SDK1: variants seen among roughly 807,000 people sequenced by gnomAD.
SDK1 encodes protein sidekick-1.
Under a neutral mutation model 245.5 loss-of-function variants are expected in SDK1, and 157 were observed. That is an observed-to-expected ratio of 0.64 (90% CI 0.56 to 0.73). SDK1 has a LOEUF of 0.73. SDK1 is among the 30% of genes least tolerant of loss of function. The probability of loss-of-function intolerance (pLI) is 0.00; values close to 1 mark genes in which losing one functional copy is unlikely to be tolerated. For missense variants in SDK1, 3,583 were observed against 3,002.3 expected (o/e 1.19, Z -4.52); for synonymous variants, 1,647 against 1,278.5 (o/e 1.29, Z -6.15).
intron 2 of SDK1, among the ~76,000 whole-genome samples, chr7:3,629,158 G>T (rs544503895): frequency 1.3e-5 from 2 of 151,450 alleles, no homozygotes; most frequent in African/African-American, 4.9e-5. Context: ...AAAATTAGCC[G>T]GGCATGGTGG....
chr7:4,155,744 T>G (rs181528914), intron 30 of SDK1, among the ~76,000 whole-genome samples: 136 of 152,316 alleles, frequency 8.9e-4, no homozygotes, highest in African/African-American at 3.0e-3. Flanking sequence ...AGATGGGGAA[T>G]AGCATCCTTA....
At chr7:4,041,459 C>T (rs1024306931) in intron 17 of SDK1, among the ~76,000 whole-genome samples, 12 of 152,102 alleles carry the variant, frequency 7.9e-5, no homozygotes, top group African/African-American at 2.7e-4. Flanking sequence ...TACATCACTA[C>T]CCAAAATCCA....
intron 28 of SDK1, among the ~76,000 whole-genome samples, chr7:4,141,914 G>C (rs1431342164): frequency 5.3e-5 from 8 of 152,116 alleles, no homozygotes; most frequent in Admixed American, 5.2e-4. Context: ...CTGCCACCAT[G>C]CCTGGCTAAT....
intron 1 of SDK1, among the ~76,000 whole-genome samples, chr7:3,308,249 T>C (rs1013518866): frequency 3.9e-5 from 6 of 152,150 alleles, no homozygotes; most frequent in African/African-American, 1.4e-4. Flanking sequence ...AATCTGGAGG[T>C]AATTAATGCA....
At chr7:3,656,892 C>T (rs937824164) in intron 4 of SDK1, among the ~76,000 whole-genome samples, 2 of 152,000 alleles carry the variant, frequency 1.3e-5, no homozygotes, top group Admixed American at 6.6e-5. Context: ...GGACTACAGG[C>T]GCCGGCCACC....
At position 3,929,309 on chromosome 7, in the gene SDK1, T is replaced by G. The variant is rs771009264; in HGVS notation, c.848-21614T>G. ...CGGTGTGTTGTGGACTTTGATCGCT[T>G]GGCCAGCTGTAATCTGCCAGCTTGA... On this transcript the variant is annotated intron_variant, in intron 5 of 44. Coordinates refer to ENST00000404826, the MANE Select transcript of SDK1 (RefSeq NM_152744.4). Among the ~76,000 whole-genome samples, 161 of 152,254 alleles carry G rather than the reference T, an allele frequency of 1.1e-3. 2 individuals carry two copies. Among genetic ancestry groups the G allele is most frequent in the Non-Finnish European group, 3.7e-4 (25 of 68,044 alleles).
At chr7:3,544,188 T>C (rs533709809) in intron 1 of SDK1, among the ~76,000 whole-genome samples, 1 of 152,374 alleles carries the variant, frequency 6.6e-6, no homozygotes, top group African/African-American at 2.4e-5. Context: ...AATTTTCTAG[T>C]AGAGTTCTGT....
At chr7:3,516,392 T>C (rs1456451305) in intron 1 of SDK1, among the ~76,000 whole-genome samples, 1 of 152,124 alleles carries the variant, frequency 6.6e-6, no homozygotes, top group Non-Finnish European at 1.5e-5. Flanking sequence ...TCATATTCTT[T>C]TAACCAACAA....
intron 36 of SDK1, among the ~76,000 whole-genome samples, chr7:4,206,656 G>T (rs1176575056): frequency 6.6e-6 from 1 of 152,102 alleles, no homozygotes; most frequent in African/African-American, 2.4e-5. Flanking sequence ...CCATGGGGCG[G>T]GAAGCACCTC....
chr7:3,886,771 C>A (rs976908395), intron 5 of SDK1, among the ~76,000 whole-genome samples: 1 of 152,134 alleles, frequency 6.6e-6, no homozygotes, highest in African/African-American at 2.4e-5. Flanking sequence ...TAAAAATTAG[C>A]TAAGCATGGT....
intron 1 of SDK1, among the ~76,000 whole-genome samples, chr7:3,542,207 G>A (rs1779073441): frequency 6.6e-6 from 1 of 152,080 alleles, no homozygotes; most frequent in African/African-American, 2.4e-5. Flanking sequence ...TTATGTTATG[G>A]CCTGATACAC....
At chr7:3,770,871 T>A (rs1443930093) in intron 4 of SDK1, among the ~76,000 whole-genome samples, 2 of 152,130 alleles carry the variant, frequency 1.3e-5, no homozygotes, top group Non-Finnish European at 2.9e-5. Flanking sequence ...AGGCCTGGCT[T>A]AGTTTCTTCT....
intron 17 of SDK1, among the ~76,000 whole-genome samples, chr7:4,043,664 C>A (rs6462558): frequency 0.32 from 47,979 of 152,186 alleles, 11,774 homozygotes; most frequent in African/African-American, 0.69. Flanking sequence ...GCTGCAGCCA[C>A]GCAAAGGTAC....
chr7:3,386,502 C>G (rs1011385584), intron 1 of SDK1, among the ~76,000 whole-genome samples: 6 of 152,176 alleles, frequency 3.9e-5, no homozygotes, highest in Admixed American at 1.3e-4. Flanking sequence ...GAAGTAATTT[C>G]TAGTTTCTCC....
chr7:3,497,671 A>G (rs1324760315), intron 1 of SDK1, among the ~76,000 whole-genome samples: 6 of 152,202 alleles, frequency 3.9e-5, no homozygotes, highest in Non-Finnish European at 8.8e-5. Context: ...TTGTAGTAAG[A>G]TGGAGTAAAA....
intron 1 of SDK1, among the ~76,000 whole-genome samples, chr7:3,307,468 G>C (rs1415171663): frequency 6.6e-6 from 1 of 152,192 alleles, no homozygotes; most frequent in Non-Finnish European, 1.5e-5. Flanking sequence ...ACTACTCTTA[G>C]AGCTTCATTA....
chr7:4,202,470 G>C (rs1313305416), intron 35 of SDK1, among the ~76,000 whole-genome samples: 2 of 152,324 alleles, frequency 1.3e-5, no homozygotes, highest in East Asian at 3.9e-4. Context: ...GAAGGTTCCA[G>C]GCCATGTGAC....
intron 1 of SDK1, among the ~76,000 whole-genome samples, chr7:3,468,658 C>G (rs995282853): frequency 1.3e-5 from 2 of 152,038 alleles, no homozygotes; most frequent in African/African-American, 4.8e-5. Context: ...GAATACATGC[C>G]CAGAGAGGCC....
chr7:4,084,402 G>A (rs953477350), intron 22 of SDK1, among the ~76,000 whole-genome samples: 13 of 152,108 alleles, frequency 8.5e-5, no homozygotes, highest in Admixed American at 7.9e-4. Flanking sequence ...GGAGGCTTTC[G>A]TATCCTGGGG....
Sources: gnomAD v4.1 joint callset for allele counts (sites outside exome capture counted in the v4.1 genomes callset) on GRCh38, gnomAD v4.1.1 for gene constraint, MANE v1.5 for transcripts, NCBI Gene and HGNC (gene_info 2026-07-23, HGNC 2026-07-21) for gene names.